Variants in CYP26B1 observed in about 807,000 individuals in gnomAD.
CYP26B1 encodes the protein cytochrome P450 26B1.
In CYP26B1, 8 loss-of-function variants were observed where a neutral mutation model predicts 39.1. The ratio of observed to expected loss-of-function variants is 0.20; its 90% CI spans 0.12 to 0.37. CYP26B1 has a LOEUF of 0.37. Ranked by LOEUF, CYP26B1 falls within the 10% of genes least tolerant of loss-of-function variation. The pLI, the probability that CYP26B1 is intolerant of heterozygous loss-of-function variation, is 1.00. For synonymous variants in CYP26B1, 321 were observed against 314.3 expected (o/e 1.02, Z -0.23); for missense variants, 615 against 707.0 (o/e 0.87, Z 1.48).
chr2:72,147,683 T>G lies in CYP26B1; in HGVS notation c.152A>C (p.Lys51Thr). 6.2e-7 allele frequency: 1 copy of G among 1,609,996 alleles called. No individual in the cohort carries two copies. The highest frequency in any genetic ancestry group is 8.5e-7 in the Non-Finnish European group (1 of 1,178,674). ...GATGAGCGGGAAGCCCATGGATCCC[T>G]TGGGGATGGGCAGCTTGCAGCTCTT... ...RDKSCKLPIPKGSMGFPLIGE... is the reference protein window; with the variant it reads ...RDKSCKLPIPTGSMGFPLIGE... Residue 51 changes from lysine (K) to threonine (T), a missense_variant, in exon 1 of 6, where the codon AAG (lysine) becomes ACG (threonine). Transcript: ENST00000001146. The surrounding 1 kb of genome is among the most constrained non-coding windows in gnomAD (Gnocchi z 6.1).
chr2:72,143,896 C>G, intron 2 of CYP26B1, 93 bp downstream of exon 2: 2 of 1,455,304 alleles, frequency 1.4e-6, no homozygotes, highest in Non-Finnish European at 1.9e-6. Flanking sequence ...AAGGGGGGCA[C>G]AGATTCGGTA....
Position 72,133,103 on chromosome 2 carries a change from A to T in CYP26B1, c.1066T>A (p.Cys356Ser). 6.2e-7 allele frequency: 1 copy of T among 1,613,154 alleles called. No individual in the cohort carries two copies. Among genetic ancestry groups the T allele is most frequent in the Non-Finnish European group, 8.5e-7 (1 of 1,179,986 alleles). The change falls in exon 5 of 6, where the codon TGC becomes AGC. Residue 356 changes from cysteine to serine, a missense_variant. Coordinates refer to ENST00000001146, the MANE Select transcript of CYP26B1 (RefSeq NM_019885.4). Reference protein sequence around the residue: ...DTLSGLRYLDCVIKEVMRLFT... With the variant: ...DTLSGLRYLDSVIKEVMRLFT... ...AGGCGCATGACCTCCTTGATGACGCAGTCCAGGTAGCGCAGCCCACTGAGC... is the reference window on the plus strand; with the variant it reads ...AGGCGCATGACCTCCTTGATGACGCTGTCCAGGTAGCGCAGCCCACTGAGC...
At chr2:72,132,950 TGGTGCCCCGCCTTGCCCCTATCCC>T in intron 5 of CYP26B1, 49 bp downstream of exon 5, 1 of 1,601,392 alleles carries the variant, frequency 6.2e-7, no homozygotes, top group Non-Finnish European at 8.5e-7. Flanking sequence ...AAATGGAGGC[TGGTGCCCCGCCTTGCCCCTATCCC>T]GGTGCCCCTG....
chr2:72,146,509 C>A (rs1677127671), intron 1 of CYP26B1, among the ~76,000 whole-genome samples: 1 of 152,258 alleles, frequency 6.6e-6, no homozygotes, highest in Non-Finnish European at 1.5e-5. Flanking sequence ...TCCGCTGTCA[C>A]TCGTCCCGGG....
chr2:72,132,059 A>G lies in CYP26B1; in HGVS notation c.*168T>C. ...CCAGAAGGGGAGCCCAGCCCTAGGA[A>G]TGGGGCCCACTGGCTTTGGGTAGGG... On this transcript the variant is annotated 3_prime_UTR_variant, in exon 6 of 6. Coordinates refer to ENST00000001146, the MANE Select transcript of CYP26B1 (RefSeq NM_019885.4). 1.4e-6 allele frequency: 1 copy of G among 726,852 alleles called. No homozygotes were observed. Among genetic ancestry groups the G allele is most frequent in the Non-Finnish European group, 2.2e-6 (1 of 448,626 alleles). 45.0% of individuals were successfully genotyped at this position (726,852 alleles called of 1,614,324 possible).
intron 2 of CYP26B1, among the ~76,000 whole-genome samples, chr2:72,141,928 G>A (rs1013208481): frequency 2.6e-5 from 4 of 152,116 alleles, no homozygotes; most frequent in African/African-American, 7.2e-5. Context: ...CACACAAAGA[G>A]GGGGCCCTGC....
intron 2 of CYP26B1, among the ~76,000 whole-genome samples, chr2:72,138,586 G>A (rs1411284259): frequency 3.3e-5 from 5 of 152,218 alleles, no homozygotes; most frequent in Non-Finnish European, 7.3e-5. Context: ...CTGGACAAAG[G>A]TCACTGGGAG....
chr2:72,133,490 G>A (rs893316626), intron 4 of CYP26B1, among the ~76,000 whole-genome samples, 183 bp from the exon 5 acceptor site: 8 of 152,250 alleles, frequency 5.3e-5, no homozygotes, highest in Admixed American at 2.6e-4. Context: ...TGGACACGGG[G>A]GTCACAGCCA....
At position 72,131,530 on chromosome 2, in the gene CYP26B1, G is replaced by C. The variant is rs1676574683; in HGVS notation, c.*697C>G. Reference sequence around the variant, plus strand: ...TGTGTAACAGGGCCTGGTTCAGCAGGGGATGGGAAGGTGGGGGTGTCAGTG... The same window carrying C: ...TGTGTAACAGGGCCTGGTTCAGCAGCGGATGGGAAGGTGGGGGTGTCAGTG... On this transcript the variant is annotated 3_prime_UTR_variant, in exon 6 of 6. Coordinates refer to ENST00000001146, the MANE Select transcript of CYP26B1 (RefSeq NM_019885.4). 1 of 152,868 alleles carries C rather than the reference G, an allele frequency of 6.5e-6. No homozygotes were observed. The highest frequency in any genetic ancestry group is 2.1e-4 in the South Asian group (1 of 4,836). 9.5% of individuals were successfully genotyped at this position (152,868 alleles called of 1,614,324 possible). A position where few individuals can be genotyped will look rare whatever the true frequency, so the allele number is the denominator to read the frequency against.
At chr2:72,143,563 AAGC>A (rs947974376) in intron 2 of CYP26B1, among the ~76,000 whole-genome samples, 3 of 152,074 alleles carry the variant, frequency 2.0e-5, no homozygotes, top group Admixed American at 6.5e-5. Flanking sequence ...GACTCCCTTC[AAGC>A]AGCCTGTGGT....
chr2:72,139,236 G>A (rs1021967408), intron 2 of CYP26B1, among the ~76,000 whole-genome samples: 9 of 152,280 alleles, frequency 5.9e-5, no homozygotes, highest in Non-Finnish European at 1.0e-4. Flanking sequence ...CCGGAGCCTC[G>A]GCCTGCAGAG....
At chr2:72,142,846 C>T (rs1473496955) in intron 2 of CYP26B1, among the ~76,000 whole-genome samples, 1 of 152,190 alleles carries the variant, frequency 6.6e-6, no homozygotes, top group African/African-American at 2.4e-5. Context: ...TCCTGAAATA[C>T]ATGCTGTATA....
intron 1 of CYP26B1, chr2:72,144,555 T>G: frequency 5.5e-5 from 50 of 912,142 alleles, no homozygotes; most frequent in Non-Finnish European, 6.5e-5. Flanking sequence ...CACCCCGCGC[T>G]CGGGAGCCTC....
In CYP26B1 at chr2:72,147,813, G is replaced by C; in HGVS notation, c.22C>G (p.Leu8Val). The change falls in exon 1 of 6, where the codon CTG becomes GTG. Residue 8 changes from leucine (L) to valine (V), a missense_variant. Transcript: ENST00000001146. This position sits in a 1 kb window ranked among gnomAD's most constrained non-coding sequence, Gnocchi z 6.1. ...GCGAGGGTGGCCAGCGCCGACACCA[G>C]ATCCAAGCCCTCAAAGAGCATGTTG... MLFEGLD[L>V]VSALATLAAC... is the part of the protein sequence containing the mutation. The C allele has an allele frequency of 2.6e-6, 4 of 1,544,160 alleles. No individual in the cohort carries two copies. Among genetic ancestry groups the C allele is most frequent in the Non-Finnish European group, 3.5e-6 (4 of 1,144,796 alleles).
chr2:72,132,626 C>T lies in CYP26B1; in HGVS notation c.1147-7G>A. The T allele has an allele frequency of 6.3e-7, 1 of 1,596,280 alleles. No individual in the cohort carries two copies. The highest frequency in any genetic ancestry group is 8.5e-7 in the Non-Finnish European group (1 of 1,171,846). On this transcript the variant is annotated splice_region_variant and splice_polypyrimidine_tract_variant and intron_variant, in intron 5 of 5. Coordinates refer to ENST00000001146, the MANE Select transcript of CYP26B1 (RefSeq NM_019885.4). ...CTTTGGGGATCTGGAAACCCTGGAG[C>T]AAGATGGGGGCCGAGGAGTGGGTGG...
chr2:72,131,179 G>A lies in CYP26B1; in HGVS notation c.*1048C>T, dbSNP rs1676561709. On this transcript the variant is annotated 3_prime_UTR_variant, in exon 6 of 6. Transcript: ENST00000001146. ...ATCTACCTGATCAGGGTTTTTGACAGGAGAGGGAGGAGGCAATGGGCCACA... is the reference window on the plus strand; with the variant it reads ...ATCTACCTGATCAGGGTTTTTGACAAGAGAGGGAGGAGGCAATGGGCCACA... 1 of 152,590 alleles carries A rather than the reference G, an allele frequency of 6.6e-6. No individual in the cohort carries two copies. Among genetic ancestry groups the A allele is most frequent in the Non-Finnish European group, 1.5e-5 (1 of 68,080 alleles). The allele number at this position is 152,590 out of a possible 1,614,324, so 9.5% of individuals were successfully genotyped here. A position where few individuals can be genotyped will look rare whatever the true frequency, so the allele number is the denominator to read the frequency against.
At chr2:72,138,086 C>T (rs527601275) in intron 2 of CYP26B1, among the ~76,000 whole-genome samples, 17 of 152,284 alleles carry the variant, frequency 1.1e-4, no homozygotes, top group Admixed American at 2.6e-4. Context: ...ATGGAGAAAC[C>T]GCCCAAATGA....
At chr2:72,144,265 C>T in intron 1 of CYP26B1, 52 bp from the exon 2 acceptor site, 3 of 1,556,664 alleles carry the variant, frequency 1.9e-6, no homozygotes, top group Non-Finnish European at 2.6e-6. Flanking sequence ...GCAGAGGGCC[C>T]GCGAGGGAGG....
chr2:72,140,679 C>A (rs1419638322), intron 2 of CYP26B1, among the ~76,000 whole-genome samples: 1 of 152,238 alleles, frequency 6.6e-6, no homozygotes, highest in African/African-American at 2.4e-5. Flanking sequence ...CACCTCCTCG[C>A]TTCTCCATCC....
Sources: allele counts gnomAD v4.1 joint callset (sites outside exome capture counted in the v4.1 genomes callset), GRCh38; gene constraint gnomAD v4.1.1; non-coding constraint Gnocchi (gnomAD v3.1); transcripts MANE v1.5; gene names NCBI Gene and HGNC (gene_info 2026-07-23, HGNC 2026-07-21).